THSD7A: variants seen among roughly 807,000 people sequenced by gnomAD.
The protein encoded by THSD7A is thrombospondin type 1 domain containing 7A.
Under a neutral mutation model 231.3 loss-of-function variants are expected in THSD7A, and 96 were observed. The observed-to-expected ratio is 0.41, with a 90% CI of 0.35 to 0.49. THSD7A has a LOEUF of 0.49. Ranked by LOEUF, THSD7A falls within the 20% of genes least tolerant of loss-of-function variation. The probability of loss-of-function intolerance (pLI) is 0.05; values close to 1 mark genes in which losing one functional copy is unlikely to be tolerated. For synonymous variants in THSD7A, 940 were observed against 743.3 expected (o/e 1.26, Z -4.30); for missense variants, 2,290 against 2,070.2 (o/e 1.11, Z -2.06).
At chr7:11,612,814 T>C (rs1260440041) in intron 2 of THSD7A, among the ~76,000 whole-genome samples, 2 of 152,212 alleles carry the variant, frequency 1.3e-5, no homozygotes, top group Admixed American at 1.3e-4. Flanking sequence ...AGTGGTTAAC[T>C]CTTAGTTGCC....
chr7:11,771,009 G>C (rs1783209234), intron 1 of THSD7A, among the ~76,000 whole-genome samples: 1 of 151,006 alleles, frequency 6.6e-6, no homozygotes, highest in South Asian at 2.1e-4. Context: ...ACTAGAAAAA[G>C]ATAATTTCAT....
chr7:11,658,420 A>T (rs892171604), intron 1 of THSD7A, among the ~76,000 whole-genome samples: 1 of 151,640 alleles, frequency 6.6e-6, no homozygotes, highest in African/African-American at 2.4e-5. Context: ...AATACAAATT[A>T]TTTCCTCCAG....
At chr7:11,581,701 A>AT (rs570607178) in intron 4 of THSD7A, among the ~76,000 whole-genome samples, 182 of 151,254 alleles carry the variant, frequency 1.2e-3, no homozygotes, top group Middle Eastern at 3.4e-3. Flanking sequence ...AATTCTGGGC[A>AT]TTTTTTTTTA....
At chr7:11,805,155 C>A (rs891365068) in intron 1 of THSD7A, among the ~76,000 whole-genome samples, 4 of 152,064 alleles carry the variant, frequency 2.6e-5, no homozygotes, top group African/African-American at 9.7e-5. Context: ...ATCCAAACTT[C>A]CTCCTCTTGT....
intron 1 of THSD7A, among the ~76,000 whole-genome samples, chr7:11,692,262 T>C (rs1780255791): frequency 6.6e-6 from 1 of 151,584 alleles, no homozygotes. Context: ...TGGCTTCACG[T>C]ACTTCCTATG....
At chr7:11,510,708 T>C (rs1162317335) in intron 6 of THSD7A, among the ~76,000 whole-genome samples, 1 of 152,048 alleles carries the variant, frequency 6.6e-6, no homozygotes, top group African/African-American at 2.4e-5. Flanking sequence ...AAAAAGGCCT[T>C]CGACAAAATT....
At chr7:11,593,963 G>A (rs1357570011) in intron 2 of THSD7A, among the ~76,000 whole-genome samples, 1 of 152,176 alleles carries the variant, frequency 6.6e-6, no homozygotes. Flanking sequence ...TCCTGGGCAT[G>A]TCTGTGAGGG....
At chr7:11,468,834 T>C (rs2128300591) in intron 9 of THSD7A, among the ~76,000 whole-genome samples, 1 of 152,126 alleles carries the variant, frequency 6.6e-6, no homozygotes, top group African/African-American at 2.4e-5. Context: ...AGACTCTATC[T>C]TAAAAATAAA....
chr7:11,757,456 C>A (rs1411640741), intron 1 of THSD7A, among the ~76,000 whole-genome samples: 1 of 152,018 alleles, frequency 6.6e-6, no homozygotes, highest in Non-Finnish European at 1.5e-5. Flanking sequence ...TTACTGATCT[C>A]ATCTTATCAA....
intron 13 of THSD7A, among the ~76,000 whole-genome samples, chr7:11,434,964 T>TAA (rs1562606622): frequency 6.6e-6 from 1 of 151,980 alleles, no homozygotes; most frequent in Non-Finnish European, 1.5e-5. Context: ...ATTATCATAG[T>TAA]AAAGTACCCA....
At chr7:11,544,914 G>C (rs1216828621) in intron 4 of THSD7A, among the ~76,000 whole-genome samples, 1 of 148,992 alleles carries the variant, frequency 6.7e-6, no homozygotes, top group Non-Finnish European at 1.5e-5. Context: ...GAGTTCAACA[G>C]GATTGCTGTT....
intron 1 of THSD7A, chr7:11,820,309 A>T: frequency 7.7e-6 from 5 of 649,084 alleles, no homozygotes; most frequent in Non-Finnish European, 9.3e-6. Flanking sequence ...TTCCGTAAAG[A>T]GTGGACCCTA....
intron 1 of THSD7A, among the ~76,000 whole-genome samples, chr7:11,767,171 T>C (rs76097507): frequency 0.025 from 3,783 of 152,248 alleles, 165 homozygotes; most frequent in African/African-American, 0.087. Context: ...GGGTACACTG[T>C]ACATTCATTG....
At chr7:11,601,732 G>T (rs1182751769) in intron 2 of THSD7A, among the ~76,000 whole-genome samples, 1 of 152,100 alleles carries the variant, frequency 6.6e-6, no homozygotes. Flanking sequence ...GTGACTTATG[G>T]TAGACGTCTG....
At position 11,446,345 on chromosome 7, in the gene THSD7A, G is replaced by A. The variant is rs371987000; in HGVS notation, c.2801-21C>T. The A allele has an allele frequency of 4.0e-4, 637 of 1,597,100 alleles. 9 individuals carry two copies. The South Asian group carries it at 4.6e-3, about 11-fold the overall frequency. ...TTTTCCTGTGGAAGAGAAACAATCA[G>A]GCAATTTAAGTTGGAAAATACCATC... On this transcript the variant is annotated intron_variant, in intron 12 of 27. Transcript: ENST00000423059. This position sits in a 1 kb window ranked among gnomAD's most constrained non-coding sequence, Gnocchi z 4.0.
At position 11,653,860 on chromosome 7, in the gene THSD7A, T is replaced by G. The variant is rs868522453; in HGVS notation, c.191-16899A>C. ...ATGCATTTACCTTACTGTTTGCTTC[T>G]CATAATGTTACTATAAAAATACAAT... On this transcript the variant is annotated intron_variant, in intron 1 of 27. Transcript: ENST00000423059. 5.9e-5 allele frequency among the ~76,000 whole-genome samples: 9 copies of G among 152,104 alleles called. No homozygotes were observed. In the South Asian group the frequency reaches 6.2e-4, roughly 11 times the overall value.
intron 1 of THSD7A, among the ~76,000 whole-genome samples, chr7:11,816,606 G>T (rs918078455): frequency 6.6e-6 from 1 of 151,836 alleles, no homozygotes; most frequent in Non-Finnish European, 1.5e-5. Context: ...AATAAAAAGC[G>T]ATAACTTAGT....
rs1340232814 is a variant in THSD7A, at chr7:11,401,829, G to A, written c.4377C>T (p.Cys1459=). ...ATTTTGTTTCTAACATCTGCTCTGG[G>A]CACAGATGCTGATTCTCTAGTTCTT... ...IIQELENQHL[C]PEQMLETKSC... is the part of the protein sequence containing the mutation. The change falls in exon 23 of 28, where the codon TGC becomes TGT. Residue 1459 remains cysteine, a synonymous_variant. Transcript: ENST00000423059. 1 of 1,613,594 alleles carries A rather than the reference G, an allele frequency of 6.2e-7. No homozygotes were observed.
intron 4 of THSD7A, among the ~76,000 whole-genome samples, chr7:11,572,657 G>A (rs1427036496): frequency 6.6e-6 from 1 of 151,826 alleles, no homozygotes; most frequent in Admixed American, 6.6e-5. Context: ...ACAGGCACCA[G>A]CCACCATGCC....
Sources: gnomAD v4.1 joint callset for allele counts (sites outside exome capture counted in the v4.1 genomes callset) on GRCh38, gnomAD v4.1.1 for gene constraint, Gnocchi (gnomAD v3.1) non-coding constraint, MANE v1.5 for transcripts, NCBI Gene and HGNC (gene_info 2026-07-23, HGNC 2026-07-21) for gene names.